The following SOD2 variants were observed in gnomAD, a reference collection of about 807,000 sequenced individuals.
SOD2 encodes the protein superoxide dismutase [Mn], mitochondrial.
SOD2 carries 11 observed loss-of-function variants against 27.0 expected under a neutral mutation model. The ratio of observed to expected loss-of-function variants is 0.41; its 90% CI spans 0.26 to 0.67. The LOEUF (loss-of-function observed/expected upper bound fraction) is 0.67, where lower values mean the gene tolerates loss of function less well. SOD2 is among the 30% of genes least tolerant of loss of function. SOD2 has a pLI of 0.34. For synonymous variants in SOD2, 105 were observed against 103.0 expected, an observed-to-expected ratio of 1.02 and a Z score of -0.12; for missense variants, 250 against 274.5, an observed-to-expected ratio of 0.91 and a Z score of 0.63.
intron 1 of SOD2, among the ~76,000 whole-genome samples, chr6:159,733,097 A>G (rs1304695209): frequency 2.0e-5 from 3 of 152,174 alleles, no homozygotes; most frequent in Non-Finnish European, 4.4e-5. Flanking sequence ...CACCAGGTTA[A>G]GGTAGTTACA....
At chr6:159,732,143 G>A (rs1376777897), upstream of SOD2, among the ~76,000 whole-genome samples, 1 of 152,026 alleles carries the variant, frequency 6.6e-6, no homozygotes, top group African/African-American at 2.4e-5. Context: ...TCCGAGTACT[G>A]TATTTTTTAA....
chr6:159,693,809 C>T (rs527981995), upstream of SOD2, among the ~76,000 whole-genome samples: 1 of 152,342 alleles, frequency 6.6e-6, no homozygotes, highest in Admixed American at 6.5e-5. Flanking sequence ...CCCTTCCAAC[C>T]CGTATTCAGT....
rs1326486582 is a variant in SOD2 at position 159,673,723 on chromosome 6, C to T, written c.*8770G>A. On this transcript the variant is annotated 3_prime_UTR_variant, in exon 5 of 5. Coordinates refer to ENST00000538183, the MANE Select transcript of SOD2 (RefSeq NM_000636.4). ...AAGAGCAAACACATTCAACAGCTAGCAGAAGACAAGAAATAACTAAGATCA... is the reference window on the plus strand; with the variant it reads ...AAGAGCAAACACATTCAACAGCTAGTAGAAGACAAGAAATAACTAAGATCA... The T allele has an allele frequency of 6.6e-6, 1 of 152,040 alleles. No homozygotes were observed. Among genetic ancestry groups the T allele is most frequent in the Non-Finnish European group, 1.5e-5 (1 of 68,004 alleles). The allele number at this position is 152,040 out of a possible 1,614,324, so 9.4% of individuals were successfully genotyped here. A position where few individuals can be genotyped will look rare whatever the true frequency, so the allele number is the denominator to read the frequency against.
At chr6:159,743,920 G>C in intron 1 of SOD2, 1 of 1,040,952 alleles carries the variant, frequency 9.6e-7, no homozygotes, top group Non-Finnish European at 1.3e-6. Flanking sequence ...CGTATGCTTT[G>C]AGCTTTAAGA....
chr6:159,708,038 T>C (rs1212555727), intron 1 of SOD2, among the ~76,000 whole-genome samples: 2 of 152,208 alleles, frequency 1.3e-5, no homozygotes, highest in Non-Finnish European at 2.9e-5. Flanking sequence ...TCTCAACAGA[T>C]GCAGAAAAGG....
intron 1 of SOD2, among the ~76,000 whole-genome samples, chr6:159,699,951 C>A (rs1777495049): frequency 6.6e-6 from 1 of 152,206 alleles, no homozygotes; most frequent in African/African-American, 2.4e-5. Context: ...TATGTCCCAT[C>A]TCAGGCAACT....
rs567421408 is a variant in SOD2, at chr6:159,755,498, C to A, written c.-336+5539G>T. 4.3e-6 allele frequency: 7 copies of A among 1,614,170 alleles called. No individual in the cohort carries two copies. In the South Asian group the frequency reaches 7.7e-5, roughly 18 times the overall value. ...CCAATCAAATGACACAGACTCCAGTCATGACCCTCAAGAGGAGAAAGCAGT... is the reference window on the plus strand; with the variant it reads ...CCAATCAAATGACACAGACTCCAGTAATGACCCTCAAGAGGAGAAAGCAGT... On this transcript the variant is annotated intron_variant, in intron 1 of 7. Coordinates refer to the SOD2 transcript ENST00000546087.
At chr6:159,745,368 C>G (rs1372567046), upstream of SOD2, among the ~76,000 whole-genome samples, 5 of 152,126 alleles carry the variant, frequency 3.3e-5, no homozygotes, top group Admixed American at 2.0e-4. Flanking sequence ...GGTGATACCT[C>G]ATCACTCTTG....
intron 1 of SOD2, among the ~76,000 whole-genome samples, chr6:159,698,811 AAATC>A (rs1361710931): frequency 6.6e-6 from 1 of 151,816 alleles, no homozygotes; most frequent in Non-Finnish European, 1.5e-5. Flanking sequence ...AAAAATAAGA[AAATC>A]AAGGAAGAGA....
At chr6:159,721,139 C>G (rs1406645365) in intron 1 of SOD2, among the ~76,000 whole-genome samples, 1 of 151,610 alleles carries the variant, frequency 6.6e-6, no homozygotes, top group Non-Finnish European at 1.5e-5. Flanking sequence ...ACAATCTCAG[C>G]TCGCTGCAAG....
At chr6:159,713,628 G>A (rs1279479115) in intron 1 of SOD2, 2 of 1,025,474 alleles carry the variant, frequency 2.0e-6, no homozygotes, top group Non-Finnish European at 3.0e-6. Flanking sequence ...TCTCTTCCTT[G>A]GACAGCCAAA....
chr6:159,741,365 G>A (rs1779245148), intron 1 of SOD2, among the ~76,000 whole-genome samples: 1 of 152,192 alleles, frequency 6.6e-6, no homozygotes, highest in South Asian at 2.1e-4. Context: ...TTTACAGGCA[G>A]AAATTGATAC....
At chr6:159,745,041 G>T (rs981858259) in intron 1 of SOD2, 1 of 152,146 alleles carries the variant, frequency 6.6e-6, no homozygotes, top group Non-Finnish European at 1.5e-5. Context: ...CAGTTTTGTT[G>T]TAATTCTTAC....
In SOD2 at chr6:159,680,138, T is replaced by C. The variant is rs1261578989; in HGVS notation, c.*2355A>G. The C allele has an allele frequency of 6.6e-6, 1 of 152,184 alleles. No individual in the cohort carries two copies. Among genetic ancestry groups the C allele is most frequent in the Non-Finnish European group, 1.5e-5 (1 of 68,028 alleles). 9.4% of individuals were successfully genotyped at this position (152,184 alleles called of 1,614,324 possible). A position where few individuals can be genotyped will look rare whatever the true frequency, so the allele number is the denominator to read the frequency against. Reference sequence around the variant, plus strand: ...TGAACATTTTTTAAATCTTAAAGCTTAGTAGGAATCAAAAAGCTTTATATA... The same window carrying C: ...TGAACATTTTTTAAATCTTAAAGCTCAGTAGGAATCAAAAAGCTTTATATA... On this transcript the variant is annotated 3_prime_UTR_variant, in exon 5 of 5. Transcript: ENST00000538183.
exon 1 of SOD2, chr6:159,727,182 G>A: frequency 8.2e-7 from 1 of 1,222,224 alleles, no homozygotes; most frequent in Non-Finnish European, 1.0e-6. Flanking sequence ...CCTGGGAAAG[G>A]ACGGGGAGTG....
At chr6:159,690,175 T>C (rs1306346615) in intron 2 of SOD2, among the ~76,000 whole-genome samples, 3 of 148,832 alleles carry the variant, frequency 2.0e-5, no homozygotes, top group African/African-American at 7.5e-5. Flanking sequence ...TAATCCCAGC[T>C]ACTCAGGAGG....
upstream of SOD2, among the ~76,000 whole-genome samples, chr6:159,729,846 G>A (rs977067540): frequency 6.6e-6 from 1 of 152,118 alleles, no homozygotes; most frequent in Non-Finnish European, 1.5e-5. Flanking sequence ...TTTGGCTGGC[G>A]CTTGCCTCCG....
chr6:159,708,915 G>C (rs980525888), intron 1 of SOD2, among the ~76,000 whole-genome samples: 1 of 152,148 alleles, frequency 6.6e-6, no homozygotes, highest in Non-Finnish European at 1.5e-5. Context: ...TACCAAAACA[G>C]AGATATAGAC....
At chr6:159,735,904 C>T (rs920504750) in intron 1 of SOD2, among the ~76,000 whole-genome samples, 3 of 152,068 alleles carry the variant, frequency 2.0e-5, no homozygotes, top group Non-Finnish European at 4.4e-5. Context: ...TAGCAACATG[C>T]GTAGGATACT....
Sources: allele counts gnomAD v4.1 joint callset (sites outside exome capture counted in the v4.1 genomes callset), GRCh38; gene constraint gnomAD v4.1.1; transcripts MANE v1.5; gene names NCBI Gene and HGNC (gene_info 2026-07-23, HGNC 2026-07-21).